Variants in CADM2 observed in about 807,000 individuals in gnomAD.
The protein encoded by CADM2 is cell adhesion molecule 2, also known as immunoglobulin superfamily member 4D.
CADM2 carries 12 observed loss-of-function variants against 49.8 expected under a neutral mutation model. The observed-to-expected ratio is 0.24, with a 90% confidence interval of 0.15 to 0.39. CADM2 has a LOEUF of 0.39. CADM2 is among the 10% of genes least tolerant of loss of function. The pLI is 1.00. For missense variants in CADM2, 378 were observed against 492.3 expected, an observed-to-expected ratio of 0.77 and a Z score of 2.20; for synonymous variants, 214 against 175.4, an observed-to-expected ratio of 1.22 and a Z score of -1.74.
chr3:85,209,827 C>T (rs1038746208), intron 1 of CADM2, among the ~76,000 whole-genome samples: 1 of 152,082 alleles, frequency 6.6e-6, no homozygotes, highest in Non-Finnish European at 1.5e-5. Flanking sequence ...AAATGGGCAC[C>T]TTGTAATAAT....
intron 1 of CADM2, among the ~76,000 whole-genome samples, chr3:85,590,539 A>G (rs2063076745): frequency 6.6e-6 from 1 of 152,004 alleles, no homozygotes; most frequent in South Asian, 2.1e-4. Flanking sequence ...ATAATTTTTT[A>G]TTCACTGGGT....
At chr3:86,008,293 T>C (rs1174041042) in intron 8 of CADM2, among the ~76,000 whole-genome samples, 1 of 152,098 alleles carries the variant, frequency 6.6e-6, no homozygotes, top group Admixed American at 6.6e-5. Context: ...GGCTGCTGTC[T>C]TTAGCAGTTA....
chr3:85,599,368 G>C (rs981594806), intron 1 of CADM2, among the ~76,000 whole-genome samples: 4 of 151,912 alleles, frequency 2.6e-5, no homozygotes, highest in African/African-American at 4.8e-5. Context: ...AACCTGGAAT[G>C]GATCTTAAAG....
chr3:85,471,996 G>T (rs1415830382), intron 1 of CADM2, among the ~76,000 whole-genome samples: 2 of 151,906 alleles, frequency 1.3e-5, no homozygotes, highest in South Asian at 2.1e-4. Flanking sequence ...AGTGTAGTGA[G>T]ACTCTTAGTG....
intron 8 of CADM2, among the ~76,000 whole-genome samples, chr3:85,990,550 T>C (rs949913186): frequency 6.6e-6 from 1 of 152,184 alleles, no homozygotes; most frequent in Non-Finnish European, 1.5e-5. Context: ...TTATGGAACT[T>C]GATAAGGCTG....
intron 1 of CADM2, among the ~76,000 whole-genome samples, chr3:85,541,710 AT>A (rs201490477): frequency 0.013 from 1,738 of 138,174 alleles, 41 homozygotes; most frequent in African/African-American, 0.029. Context: ...TTATATATAT[AT>A]TTTATATTAT....
In CADM2 at chr3:85,831,540, G is replaced by A. The variant is rs367592772; in HGVS notation, c.238+29344G>A. Among the ~76,000 whole-genome samples the A allele has an allele frequency of 5.9e-5, 9 of 152,112 alleles. 1 individual carries two copies. In the East Asian group the frequency reaches 9.7e-4, roughly 16 times the overall value. On this transcript the variant is annotated intron_variant, in intron 3 of 9. Coordinates refer to ENST00000383699, the MANE Select transcript of CADM2 (RefSeq NM_001167675.2). ...CTAACCATTCTGAATGGTGTGAAAT[G>A]ATATCTCATTGTGGCTTTGATGTGC...
intron 8 of CADM2, among the ~76,000 whole-genome samples, chr3:86,007,509 G>A (rs1470632571): frequency 5.9e-5 from 9 of 152,156 alleles, no homozygotes; most frequent in Non-Finnish European, 1.0e-4. Context: ...AATTTCACGT[G>A]GGGATGGAGG....
chr3:85,579,620 T>C (rs962038803), intron 1 of CADM2, among the ~76,000 whole-genome samples: 13 of 152,176 alleles, frequency 8.5e-5, no homozygotes, highest in African/African-American at 2.4e-4. Context: ...CAGAATATAA[T>C]GGTAAAATTC....
chr3:85,644,465 T>C (rs934512651), intron 1 of CADM2, among the ~76,000 whole-genome samples: 2 of 152,146 alleles, frequency 1.3e-5, no homozygotes, highest in Non-Finnish European at 2.9e-5. Flanking sequence ...ATAATCAGTG[T>C]TTCTATACAA....
At chr3:85,118,544 G>C (rs957460425) in intron 1 of CADM2, among the ~76,000 whole-genome samples, 7 of 152,072 alleles carry the variant, frequency 4.6e-5, no homozygotes, top group African/African-American at 1.7e-4. Flanking sequence ...GATCTTGTGA[G>C]TCTTATTCAC....
intron 1 of CADM2, among the ~76,000 whole-genome samples, chr3:84,986,480 T>C (rs1006805738): frequency 6.6e-6 from 1 of 152,090 alleles, no homozygotes; most frequent in Non-Finnish European, 1.5e-5. Flanking sequence ...AGCTTTCTTC[T>C]AATTGTTAAA....
chr3:85,898,098 G>C (rs983022645), intron 5 of CADM2, among the ~76,000 whole-genome samples: 2 of 152,122 alleles, frequency 1.3e-5, no homozygotes, highest in Non-Finnish European at 2.9e-5. Context: ...CACATAACTT[G>C]AAGTTTTCTT....
intron 4 of CADM2, among the ~76,000 whole-genome samples, chr3:85,884,726 CTTTTT>C (rs954806418): frequency 7.2e-6 from 1 of 138,336 alleles, no homozygotes; most frequent in Admixed American, 7.3e-5. Context: ...TATTCTTCTT[CTTTTT>C]TTTTTTTTTT....
chr3:85,568,537 TTCTTTCTTTCTTTC>T (rs2062381795), intron 1 of CADM2, among the ~76,000 whole-genome samples: 1 of 147,382 alleles, frequency 6.8e-6, no homozygotes, highest in Non-Finnish European at 1.5e-5. Flanking sequence ...CCTCTCTCTT[TTCTTTCTTTCTTTC>T]TCTTTCTTTC....
At chr3:85,318,804 G>C (rs2044531150) in intron 1 of CADM2, among the ~76,000 whole-genome samples, 1 of 152,230 alleles carries the variant, frequency 6.6e-6, no homozygotes, top group Admixed American at 6.5e-5. Context: ...TGCTAATTTA[G>C]CAAGTAAGGT....
In CADM2 at chr3:85,005,446, A is replaced by G. The variant is rs114293949; in HGVS notation, c.61+45778A>G. Among the ~76,000 whole-genome samples, 969 of 152,194 alleles carry G rather than the reference A, an allele frequency of 6.4e-3. 16 individuals carry two copies. The highest frequency in any genetic ancestry group is 0.022 in the African/African-American group (926 of 41,538). Reference sequence around the variant, plus strand: ...CAGAGTGGACCTTTGACTTTACTACATATGCTGATTGGAAAAAAAATTCAT... The same window carrying G: ...CAGAGTGGACCTTTGACTTTACTACGTATGCTGATTGGAAAAAAAATTCAT... On this transcript the variant is annotated intron_variant, in intron 1 of 9. Coordinates refer to ENST00000383699, the MANE Select transcript of CADM2 (RefSeq NM_001167675.2).
intron 1 of CADM2, among the ~76,000 whole-genome samples, chr3:84,979,061 G>C (rs1449577212): frequency 6.6e-6 from 1 of 151,756 alleles, no homozygotes; most frequent in Non-Finnish European, 1.5e-5. Flanking sequence ...AGGGTGTTAG[G>C]CTTGGATCAT....
At chr3:85,165,424 T>A (rs1389576752) in intron 1 of CADM2, among the ~76,000 whole-genome samples, 1 of 151,966 alleles carries the variant, frequency 6.6e-6, no homozygotes, top group African/African-American at 2.4e-5. Flanking sequence ...CAAGCTATTT[T>A]AAAAATTGCT....
Sources: allele counts gnomAD v4.1 joint callset (sites outside exome capture counted in the v4.1 genomes callset), GRCh38; gene constraint gnomAD v4.1.1; transcripts MANE v1.5; gene names NCBI Gene and HGNC (gene_info 2026-07-23, HGNC 2026-07-21).